The following PCDHGA3 variants were observed in gnomAD, a reference collection of about 807,000 sequenced individuals.
PCDHGA3 encodes protocadherin gamma-A3.
PCDHGA3 carries 40 observed loss-of-function variants against 58.5 expected under a neutral mutation model. The observed-to-expected ratio is 0.68, with a 90% CI of 0.53 to 0.89. PCDHGA3 has a LOEUF of 0.89. PCDHGA3 is among the 40% of genes least tolerant of loss of function. PCDHGA3 has a pLI of 0.00. For missense variants in PCDHGA3, 1,223 were observed against 1,195.9 expected (o/e 1.02, Z -0.33); for synonymous variants, 530 against 525.7 (o/e 1.01, Z -0.11).
Position 141,371,209 on chromosome 5 carries a change from G to A in PCDHGA3, c.2424+24752G>A, listed in dbSNP as rs143352621. 154 of 1,614,006 alleles carry A rather than the reference G, an allele frequency of 9.5e-5. No individual in the cohort carries two copies. The African/African-American group carries it at 1.8e-3, about 19-fold the overall frequency. ...GTGATGGCCATTGACATGGATGAGG[G>A]CATCAATGCCGAAATCATCTATGCC... On this transcript the variant is annotated intron_variant, in intron 1 of 3. Transcript: ENST00000253812.
intron 1 of PCDHGA3, among the ~76,000 whole-genome samples, chr5:141,473,422 A>C (rs2154571673): frequency 6.6e-6 from 1 of 152,332 alleles, no homozygotes; most frequent in African/African-American, 2.4e-5. Context: ...TGGGGGAAGC[A>C]GATACTTTGC....
In PCDHGA3 at chr5:141,361,444, A is replaced by G. The variant is rs750659023; in HGVS notation, c.2424+14987A>G. 4.3e-6 allele frequency: 7 copies of G among 1,613,988 alleles called. No individual in the cohort carries two copies. The Admixed American group carries it at 1.0e-4, about 23-fold the overall frequency. ...CAAGCCGCCCCTCTCCTCCAGCATA[A>G]TTGTCACCCTGCACATCTCCGACGT... On this transcript the variant is annotated intron_variant, in intron 1 of 3. Transcript: ENST00000253812.
At chr5:141,395,495 T>A (rs182989344) in intron 1 of PCDHGA3, 1 of 498,616 alleles carries the variant, frequency 2.0e-6, no homozygotes, top group East Asian at 3.5e-5. Context: ...TATCACTCAT[T>A]CACTTAAGAA....
intron 1 of PCDHGA3, among the ~76,000 whole-genome samples, chr5:141,465,343 TG>T (rs1048302340): frequency 1.5e-4 from 23 of 152,118 alleles, no homozygotes; most frequent in African/African-American, 5.3e-4. Flanking sequence ...TATTGGTTAC[TG>T]AAGAAAAAAT....
chr5:141,427,454 T>C (rs62379160), intron 1 of PCDHGA3: 18,356 of 489,902 alleles, frequency 0.037, 441 homozygotes, highest in Middle Eastern at 0.11. Context: ...GAGTTCCTTT[T>C]AGAATCGAAT....
chr5:141,398,799 C>T (rs2093705548), intron 1 of PCDHGA3: 3 of 1,613,848 alleles, frequency 1.9e-6, no homozygotes, highest in East Asian at 2.2e-5. Context: ...CCCTAAGCGG[C>T]ACCACTGAGC....
In PCDHGA3 at chr5:141,417,855, G is replaced by T. The variant is rs1436078486; in HGVS notation, c.2424+71398G>T. The T allele has an allele frequency of 2.6e-6, 4 of 1,544,916 alleles. No individual in the cohort carries two copies. In the Admixed American group the frequency reaches 8.0e-5, roughly 31 times the overall value. ...GCGGGGACCCAGCGAGAACCCGAGC[G>T]AACGATGGGAGGGAGCTGCGCGCAG... On this transcript the variant is annotated intron_variant, in intron 1 of 3. Transcript: ENST00000253812.
intron 1 of PCDHGA3, chr5:141,426,597 T>C (rs2096946172): frequency 2.6e-6 from 1 of 377,476 alleles, no homozygotes. Context: ...TGTCATACCC[T>C]TAGAGATTGT....
rs779542409 is a variant in PCDHGA3, at chr5:141,392,788, T to G, written c.2424+46331T>G. The G allele has an allele frequency of 3.9e-6, 6 of 1,553,762 alleles. No individual in the cohort carries two copies. The East Asian group carries it at 1.1e-4, about 30-fold the overall frequency. On this transcript the variant is annotated intron_variant, in intron 1 of 3. Coordinates refer to ENST00000253812, the MANE Select transcript of PCDHGA3 (RefSeq NM_018916.4). ...ACCCATTTATGCACAGTGAAGATTC[T>G]GAGAGGATTCTGCAGCAAAACAACA...
intron 1 of PCDHGA3, chr5:141,393,048 C>A (rs745354934): frequency 3.7e-6 from 6 of 1,613,672 alleles, no homozygotes; most frequent in Non-Finnish European, 5.1e-6. Flanking sequence ...TGCTCTGAAC[C>A]CGCGCAGCGG....
chr5:141,409,237 A>G lies in PCDHGA3; in HGVS notation c.2424+62780A>G, dbSNP rs375806619. The G allele has an allele frequency of 7.2e-5, 116 of 1,614,054 alleles. 2 individuals are homozygous for G. Among genetic ancestry groups the G allele is most frequent in the East Asian group, 6.5e-4 (29 of 44,886 alleles). ...TCCTTGATGAAAACGACAACAGCCC[A>G]GAAATAATCATCACTTCTCTCTCTG... On this transcript the variant is annotated intron_variant, in intron 1 of 3. Coordinates refer to ENST00000253812, the MANE Select transcript of PCDHGA3 (RefSeq NM_018916.4).
chr5:141,479,703 C>T (rs1219257838), intron 1 of PCDHGA3: 1 of 152,182 alleles, frequency 6.6e-6, no homozygotes, highest in African/African-American at 2.4e-5. Context: ...AGTGTTAGTC[C>T]CTGTCCTTCC....
In PCDHGA3 at chr5:141,453,101, TTTTTG is replaced by T. The variant is rs879618609; in HGVS notation, c.2425-41681_2425-41677del. ...GTTGATTAGTATATTTTCTGTTGCT[TTTTTG>T]TTTTGTTTTGTTTTGTTTTGTTTTT... On this transcript the variant is annotated intron_variant, in intron 1 of 3. Transcript: ENST00000253812. 4.4e-4 allele frequency among the ~76,000 whole-genome samples: 67 copies of T among 152,130 alleles called. 1 individual carries two copies. Among genetic ancestry groups the T allele is most frequent in the African/African-American group, 1.4e-3 (58 of 41,484 alleles).
chr5:141,503,417 A>T (rs1431276679), intron 2 of PCDHGA3, among the ~76,000 whole-genome samples: 2 of 151,968 alleles, frequency 1.3e-5, no homozygotes, highest in Non-Finnish European at 2.9e-5. Flanking sequence ...CAATATGGTG[A>T]AACCCCATCT....
In PCDHGA3 at chr5:141,477,029, A is replaced by C; in HGVS notation, c.2425-17778A>C. 6.2e-7 allele frequency: 1 copy of C among 1,614,238 alleles called. No homozygotes were observed. The highest frequency in any genetic ancestry group is 8.5e-7 in the Non-Finnish European group (1 of 1,180,040). Reference sequence around the variant, plus strand: ...CTTAGACCTTGTAACCGGGATGCTGACAATCAAGGGTCGGCTGGACTTCGA... The same window carrying C: ...CTTAGACCTTGTAACCGGGATGCTGCCAATCAAGGGTCGGCTGGACTTCGA... On this transcript the variant is annotated intron_variant, in intron 1 of 3. Transcript: ENST00000253812. This position sits in a 1 kb window ranked among gnomAD's most constrained non-coding sequence, Gnocchi z 4.9.
In PCDHGA3 at chr5:141,364,445, C is replaced by A. The variant is rs1369788855; in HGVS notation, c.2424+17988C>A. The A allele has an allele frequency of 4.3e-6, 7 of 1,613,802 alleles. No individual in the cohort carries two copies. Among genetic ancestry groups the A allele is most frequent in the Non-Finnish European group, 5.9e-6 (7 of 1,179,850 alleles). The stretch of plus-strand genomic sequence containing the variant: ...GATCCGCTACTCGATGCCGGAGGAG[C>A]TGGACAAAGGCTCCTTCGTCGGCAA... On this transcript the variant is annotated intron_variant, in intron 1 of 3. Transcript: ENST00000253812.
intron 1 of PCDHGA3, chr5:141,430,525 G>C (rs1354801907): frequency 3.3e-5 from 12 of 365,842 alleles, no homozygotes; most frequent in Admixed American, 1.3e-4. Context: ...GCAGTAATTG[G>C]TTAGGACTCT....
Position 141,489,557 on chromosome 5 carries a change from T to C in PCDHGA3, c.2425-5250T>C, listed in dbSNP as rs150797955. 54 of 1,613,956 alleles carry C rather than the reference T, an allele frequency of 3.3e-5. 1 individual carries two copies. Among genetic ancestry groups the C allele is most frequent in the Non-Finnish European group, 4.3e-5 (51 of 1,180,004 alleles). On this transcript the variant is annotated intron_variant, in intron 1 of 3. Coordinates refer to ENST00000253812, the MANE Select transcript of PCDHGA3 (RefSeq NM_018916.4). The surrounding 1 kb of genome is among the most constrained non-coding windows in gnomAD (Gnocchi z 4.5). ...GCCAGCACCAGCTGCCTGCTGCCAG[T>C]GCAGGTGGTGACTGAACACCCCCTG...
intron 1 of PCDHGA3, chr5:141,346,671 T>A: frequency 1.4e-6 from 1 of 696,800 alleles, no homozygotes; most frequent in Non-Finnish European, 2.4e-6. Context: ...TAATACATCG[T>A]GAGTGAAAGT....
Sources: allele counts gnomAD v4.1 joint callset (sites outside exome capture counted in the v4.1 genomes callset), GRCh38; gene constraint gnomAD v4.1.1; non-coding constraint Gnocchi (gnomAD v3.1); transcripts MANE v1.5; gene names NCBI Gene and HGNC (gene_info 2026-07-23, HGNC 2026-07-21).